Variants in FADS2 observed in about 807,000 individuals in gnomAD.
FADS2 encodes the protein fatty acid desaturase 2.
Under a neutral mutation model 61.2 loss-of-function variants are expected in FADS2, and 18 were observed. That is an observed-to-expected ratio of 0.29 (90% CI 0.20 to 0.44). The LOEUF is 0.44. Ranked by LOEUF, FADS2 falls within the 20% of genes least tolerant of loss-of-function variation. FADS2 has a pLI of 1.00. For missense variants in FADS2, 322 were observed against 572.7 expected, an observed-to-expected ratio of 0.56 and a Z score of 4.47; for synonymous variants, 203 against 223.9, an observed-to-expected ratio of 0.91 and a Z score of 0.83.
At chr11:61,842,244 G>T (rs979551172) in intron 4 of FADS2, among the ~76,000 whole-genome samples, 1 of 152,214 alleles carries the variant, frequency 6.6e-6, no homozygotes, top group Non-Finnish European at 1.5e-5. Flanking sequence ...CACCAGTTTC[G>T]CAGCGAGCAG....
intron 1 of FADS2, among the ~76,000 whole-genome samples, chr11:61,821,798 T>C (rs2067038180): frequency 6.6e-6 from 1 of 152,226 alleles, no homozygotes; most frequent in African/African-American, 2.4e-5. Context: ...ATATTAAAAA[T>C]AATTTATGAC....
chr11:61,845,869 A>C (rs1184844120), intron 4 of FADS2, among the ~76,000 whole-genome samples: 1 of 151,518 alleles, frequency 6.6e-6, no homozygotes, highest in East Asian at 1.9e-4. Flanking sequence ...TCTCATCCCG[A>C]GTCCAGGGAG....
chr11:61,838,734 C>T (rs1432235499), intron 2 of FADS2, among the ~76,000 whole-genome samples: 1 of 152,170 alleles, frequency 6.6e-6, no homozygotes, highest in Non-Finnish European at 1.5e-5. Flanking sequence ...CTCACCTTGC[C>T]CTCCATGGCA....
At chr11:61,824,042 T>C (rs1250319295), upstream of FADS2, among the ~76,000 whole-genome samples, 1 of 152,150 alleles carries the variant, frequency 6.6e-6, no homozygotes, top group Non-Finnish European at 1.5e-5. Context: ...TTCACATACC[T>C]TGTGTCCTTT....
Position 61,828,369 on chromosome 11 carries a change from G to C in FADS2, c.-22G>C. The stretch of plus-strand genomic sequence containing the variant: ...GGCGCGGGGAGGCCGCAGTGCACGG[G>C]GCGTCACAGTCGGCAGGCAGCATGG... On this transcript the variant is annotated 5_prime_UTR_variant, in exon 1 of 12. Transcript: ENST00000278840. This position sits in a 1 kb window ranked among gnomAD's most constrained non-coding sequence, Gnocchi z 6.4. The C allele has an allele frequency of 1.3e-6, 2 of 1,551,032 alleles. No individual in the cohort carries two copies. Among genetic ancestry groups the C allele is most frequent in the Non-Finnish European group, 1.7e-6 (2 of 1,148,124 alleles).
chr11:61,841,598 G>C (rs1323186093), intron 4 of FADS2, among the ~76,000 whole-genome samples: 1 of 151,572 alleles, frequency 6.6e-6, no homozygotes, highest in Admixed American at 6.6e-5. Context: ...GAAGCCAAGA[G>C]GTACAAAGCA....
At position 61,866,554 on chromosome 11, in the gene FADS2, C is replaced by G. The variant is rs1294930625; in HGVS notation, c.*865C>G. The stretch of plus-strand genomic sequence containing the variant: ...TCAGGGTGTCCTGAGGTCCAAGATT[C>G]TGGAGCAATCTGACCCTTCTCCAAA... On this transcript the variant is annotated 3_prime_UTR_variant, in exon 12 of 12. Transcript: ENST00000278840. 6.6e-6 allele frequency: 1 copy of G among 152,370 alleles called. No individual in the cohort carries two copies. Among genetic ancestry groups the G allele is most frequent in the East Asian group, 1.9e-4 (1 of 5,268 alleles). The allele number at this position is 152,370 out of a possible 1,614,324, so 9.4% of individuals were successfully genotyped here.
intron 1 of FADS2, among the ~76,000 whole-genome samples, chr11:61,832,558 A>G (rs1248603999): frequency 6.6e-6 from 1 of 152,172 alleles, no homozygotes; most frequent in African/African-American, 2.4e-5. Context: ...CCCTCAGGGT[A>G]GTGCATGGAC....
At chr11:61,861,371 A>AAAAAAAAAAAAAAC (rs1555078396) in intron 7 of FADS2, among the ~76,000 whole-genome samples, 11,968 of 104,820 alleles carry the variant, frequency 0.11, 1,856 homozygotes, top group Non-Finnish European at 0.2. Flanking sequence ...AAAAAAAAAA[A>AAAAAAAAAAAAAAC]CAGAAATTAG....
rs902787637 is a variant in FADS2 at position 61,866,300 on chromosome 11, C to T, written c.*611C>T. The T allele has an allele frequency of 5.4e-5, 15 of 279,330 alleles. No individual in the cohort carries two copies. Among genetic ancestry groups the T allele is most frequent in the East Asian group, 1.8e-4 (3 of 17,036 alleles). 17.3% of individuals were successfully genotyped at this position (279,330 alleles called of 1,614,324 possible). A position where few individuals can be genotyped will look rare whatever the true frequency, so the allele number is the denominator to read the frequency against. ...TAAGATGTCCAGGGCCCCAGGCCCG[C>T]GGGCACAGCCAGCCCAAACCTTGGG... is the stretch of plus-strand genomic sequence containing the variant. On this transcript the variant is annotated 3_prime_UTR_variant, in exon 12 of 12. Coordinates refer to ENST00000278840, the MANE Select transcript of FADS2 (RefSeq NM_004265.4).
Position 61,865,394 on chromosome 11 carries a change from C to T in FADS2, c.1283+117C>T. The T allele has an allele frequency of 1.5e-6, 2 of 1,310,738 alleles. No individual in the cohort carries two copies. The highest frequency in any genetic ancestry group is 2.1e-6 in the Non-Finnish European group (2 of 958,840). 81.2% of individuals were successfully genotyped at this position (1,310,738 alleles called of 1,614,324 possible). A position where few individuals can be genotyped will look rare whatever the true frequency, so the allele number is the denominator to read the frequency against. On this transcript the variant is annotated intron_variant, in intron 11 of 11. Coordinates refer to ENST00000278840, the MANE Select transcript of FADS2 (RefSeq NM_004265.4). This position sits in a 1 kb window ranked among gnomAD's most constrained non-coding sequence, Gnocchi z 4.1. ...GTCACCCACCAGGGCACCTGCCTTA[C>T]TCCCGAGCCTGTGTTAGGAGCTGTT...
chr11:61,826,431 T>C, upstream of FADS2: 1 of 698,478 alleles, frequency 1.4e-6, no homozygotes, highest in Non-Finnish European at 2.6e-6. Context: ...ACTCCCTGGT[T>C]CTGCCTTTCA....
At position 61,863,594 on chromosome 11, in the gene FADS2, G is replaced by A. The variant is rs1023868990; in HGVS notation, c.1078-113G>A. ...TGGGCTGAGGCCATCAGGCAGGACGGTATGATGTGGACGGGTGGCCTGGAG... is the reference window on the plus strand; with the variant it reads ...TGGGCTGAGGCCATCAGGCAGGACGATATGATGTGGACGGGTGGCCTGGAG... On this transcript the variant is annotated intron_variant, in intron 9 of 11. Transcript: ENST00000278840. 1.0e-5 allele frequency: 9 copies of A among 903,732 alleles called. No individual in the cohort carries two copies. The South Asian group carries it at 1.2e-4, about 12-fold the overall frequency. The allele number at this position is 903,732 out of a possible 1,614,324, so 56.0% of individuals were successfully genotyped here. A position where few individuals can be genotyped will look rare whatever the true frequency, so the allele number is the denominator to read the frequency against.
chr11:61,821,762 ATAAT>A (rs2067037960), intron 1 of FADS2, among the ~76,000 whole-genome samples: 1 of 152,272 alleles, frequency 6.6e-6, no homozygotes, highest in African/African-American at 2.4e-5. Flanking sequence ...GTCATCTGTA[ATAAT>A]TCTGCAGATT....
chr11:61,824,434 G>GA (rs2067057561), upstream of FADS2, among the ~76,000 whole-genome samples: 32 of 3,562 alleles, frequency 9.0e-3, 1 homozygote, highest in Middle Eastern at 0.5. Flanking sequence ...GAGAGAGAGA[G>GA]GGAGGGAGGG....
intron 5 of FADS2, among the ~76,000 whole-genome samples, chr11:61,849,505 G>C (rs174590): frequency 0.22 from 32,736 of 151,650 alleles, 3,802 homozygotes; most frequent in Admixed American, 0.28. Context: ...GATCCCTTGA[G>C]CTGAGCCCAG....
At chr11:61,845,516 G>A (rs572893810) in intron 4 of FADS2, among the ~76,000 whole-genome samples, 14 of 152,230 alleles carry the variant, frequency 9.2e-5, no homozygotes, top group South Asian at 2.1e-4. Context: ...AGAGAGGCCC[G>A]GTGCGGTGGG....
At chr11:61,853,514 G>C (rs984752994) in intron 5 of FADS2, among the ~76,000 whole-genome samples, 6 of 151,966 alleles carry the variant, frequency 3.9e-5, no homozygotes, top group Admixed American at 3.3e-4. Context: ...TTTCTGAGGG[G>C]GCTGGTGAGA....
In FADS2 at chr11:61,828,307, A is replaced by T; in HGVS notation, c.-84A>T. The stretch of plus-strand genomic sequence containing the variant: ...AGCGAAGAGGGCCCGGGCTGCACAC[A>T]CCGGCTGGGAGGCAGCCGTCTGTGC... On this transcript the variant is annotated 5_prime_UTR_variant, in exon 1 of 12. Coordinates refer to ENST00000278840, the MANE Select transcript of FADS2 (RefSeq NM_004265.4). The surrounding 1 kb of genome is among the most constrained non-coding windows in gnomAD (Gnocchi z 6.4). The T allele has an allele frequency of 2.0e-6, 3 of 1,516,740 alleles. No individual in the cohort carries two copies. The highest frequency in any genetic ancestry group is 2.6e-6 in the Non-Finnish European group (3 of 1,133,038). The allele number at this position is 1,516,740 out of a possible 1,614,324, so 94.0% of individuals were successfully genotyped here. A position where few individuals can be genotyped will look rare whatever the true frequency, so the allele number is the denominator to read the frequency against.
Sources: allele counts gnomAD v4.1 joint callset (sites outside exome capture counted in the v4.1 genomes callset), GRCh38; gene constraint gnomAD v4.1.1; non-coding constraint Gnocchi (gnomAD v3.1); transcripts MANE v1.5; gene names NCBI Gene and HGNC (gene_info 2026-07-23, HGNC 2026-07-21).